Variants in NDST4 observed in about 807,000 individuals in gnomAD.
The protein encoded by NDST4 is N-heparan sulfate sulfotransferase 4.
Under a neutral mutation model 100.8 loss-of-function variants are expected in NDST4, and 63 were observed. The observed-to-expected ratio is 0.62, with a 90% CI of 0.51 to 0.77. The LOEUF (loss-of-function observed/expected upper bound fraction) is 0.77. Among genes scored for constraint, NDST4 ranks in the 30% least tolerant of loss-of-function variants. The pLI is 0.00. For synonymous variants in NDST4, 377 were observed against 361.8 expected (o/e 1.04, Z -0.48); for missense variants, 943 against 1,018.4 (o/e 0.93, Z 1.01).
In NDST4 at chr4:115,075,883, G is replaced by A. The variant is rs140711378; in HGVS notation, c.978+176C>T. Among the ~76,000 whole-genome samples the A allele has an allele frequency of 3.4e-3, 518 of 151,590 alleles. 6 individuals carry two copies. Among genetic ancestry groups the A allele is most frequent in the African/African-American group, 0.012 (506 of 41,352 alleles). On this transcript the variant is annotated intron_variant, in intron 2 of 13. Transcript: ENST00000264363. Reference sequence around the variant, plus strand: ...TCCCATTCTGAAGCTTCTGGTGTGTGTATGTGTGTGTAAAGAATGGTTAAG... The same window carrying A: ...TCCCATTCTGAAGCTTCTGGTGTGTATATGTGTGTGTAAAGAATGGTTAAG...
chr4:115,059,177 T>A (rs1728764606), intron 2 of NDST4, among the ~76,000 whole-genome samples: 1 of 152,006 alleles, frequency 6.6e-6, no homozygotes. Flanking sequence ...AACTGAATTC[T>A]GATTGTACCA....
intron 1 of NDST4, among the ~76,000 whole-genome samples, chr4:115,108,504 T>C (rs1268621497): frequency 3.9e-5 from 6 of 151,964 alleles, no homozygotes; most frequent in Non-Finnish European, 8.8e-5. Flanking sequence ...ATCCTTAAAC[T>C]ACTAGATATA....
chr4:114,851,795 T>C (rs1397996228), intron 8 of NDST4, among the ~76,000 whole-genome samples: 1 of 152,180 alleles, frequency 6.6e-6, no homozygotes, highest in African/African-American at 2.4e-5. Flanking sequence ...TGTAATACAA[T>C]TTATATTCCT....
At chr4:114,899,336 C>A (rs1254682339) in intron 6 of NDST4, among the ~76,000 whole-genome samples, 2 of 152,062 alleles carry the variant, frequency 1.3e-5, no homozygotes, top group Non-Finnish European at 2.9e-5. Flanking sequence ...TGCCACCACG[C>A]CAGGCTAATT....
At chr4:114,994,707 T>C (rs1463040974) in intron 2 of NDST4, among the ~76,000 whole-genome samples, 3 of 152,032 alleles carry the variant, frequency 2.0e-5, no homozygotes, top group Admixed American at 1.3e-4. Context: ...TGGGGTTAGA[T>C]GATGATACAA....
At position 115,052,401 on chromosome 4, in the gene NDST4, C is replaced by A. The variant is rs78113679; in HGVS notation, c.978+23658G>T. Among the ~76,000 whole-genome samples, 544 of 152,206 alleles carry A rather than the reference C, an allele frequency of 3.6e-3. 18 individuals are homozygous for A. In the East Asian group the frequency reaches 0.071, roughly 20 times the overall value. On this transcript the variant is annotated intron_variant, in intron 2 of 13. Transcript: ENST00000264363. ...TTGTCAGGATAAAGTACTCTATTCA[C>A]CTATCCATTCATGTTACAGTTTGGC...
intron 2 of NDST4, among the ~76,000 whole-genome samples, chr4:115,053,688 G>A (rs529864498): frequency 5.3e-5 from 8 of 152,150 alleles, no homozygotes; most frequent in South Asian, 2.1e-4. Flanking sequence ...AATAACTACC[G>A]TCCTAACATG....
intron 2 of NDST4, among the ~76,000 whole-genome samples, chr4:115,004,435 T>C (rs796921467): frequency 3.9e-4 from 59 of 152,324 alleles, no homozygotes; most frequent in African/African-American, 1.4e-3. Flanking sequence ...TGCAGACTGC[T>C]TTTGCAGCTG....
At chr4:114,973,103 A>T in intron 3 of NDST4, among the ~76,000 whole-genome samples, 1 of 152,062 alleles carries the variant, frequency 6.6e-6, no homozygotes, top group East Asian at 1.9e-4. Flanking sequence ...ACTAAGCCAT[A>T]CTGAGGGACA....
At chr4:115,016,373 G>A (rs564409585) in intron 2 of NDST4, among the ~76,000 whole-genome samples, 2 of 152,232 alleles carry the variant, frequency 1.3e-5, no homozygotes, top group South Asian at 4.1e-4. Context: ...CAGAAATCCA[G>A]AAGAGGAAGT....
chr4:114,947,937 T>A (rs1324867318), intron 4 of NDST4, among the ~76,000 whole-genome samples: 1 of 152,064 alleles, frequency 6.6e-6, no homozygotes, highest in Non-Finnish European at 1.5e-5. Context: ...AGAAGACAAG[T>A]GGAAGAGGGC....
chr4:115,065,995 A>G (rs1303387996), intron 2 of NDST4, among the ~76,000 whole-genome samples: 1 of 152,192 alleles, frequency 6.6e-6, no homozygotes, highest in African/African-American at 2.4e-5. Context: ...GAAGACTCAA[A>G]TACCGCATCC....
chr4:115,092,482 TA>T (rs1384963594), intron 1 of NDST4, among the ~76,000 whole-genome samples: 1 of 152,136 alleles, frequency 6.6e-6, no homozygotes, highest in African/African-American at 2.4e-5. Context: ...TCAGTTAGTC[TA>T]AATGAACGTG....
intron 6 of NDST4, among the ~76,000 whole-genome samples, chr4:114,880,885 T>C (rs936989286): frequency 6.6e-6 from 1 of 152,068 alleles, no homozygotes; most frequent in Non-Finnish European, 1.5e-5. Context: ...TTCTGAAGGA[T>C]GAGTAGAGAA....
intron 7 of NDST4, among the ~76,000 whole-genome samples, chr4:114,858,322 T>C (rs1038851330): frequency 1.3e-5 from 2 of 152,212 alleles, no homozygotes; most frequent in African/African-American, 4.8e-5. Flanking sequence ...TAGCCCTGGC[T>C]ATCACCACTA....
Position 114,937,487 on chromosome 4 carries a change from A to G in NDST4, c.1238T>C (p.Ile413Thr). 6.3e-7 allele frequency: 1 copy of G among 1,576,254 alleles called. No homozygotes were observed. The highest frequency in any genetic ancestry group is 1.2e-5 in the South Asian group (1 of 85,032). The change falls in exon 5 of 14, where the codon ATC (isoleucine) becomes ACC (threonine). Residue 413 changes from isoleucine (I) to threonine (T), a missense_variant. Coordinates refer to ENST00000264363, the MANE Select transcript of NDST4 (RefSeq NM_022569.3). ...KEFALEHGIP[I>T]NMGYAVAPHH... ...TGGGGCCACAGCATAGCCCATGTTG[A>G]TTGGTATTCCATGTTCCTAAAACAA...
intron 2 of NDST4, among the ~76,000 whole-genome samples, chr4:115,031,757 A>C (rs2126269986): frequency 6.6e-6 from 1 of 152,070 alleles, no homozygotes; most frequent in South Asian, 2.1e-4. Flanking sequence ...GCTTCCTTAG[A>C]TTTTTTTCTT....
chr4:115,026,416 AT>A (rs34104366), intron 2 of NDST4, among the ~76,000 whole-genome samples: 69,526 of 145,378 alleles, frequency 0.48, 17,408 homozygotes, highest in Non-Finnish European at 0.59. Context: ...TCATAGTCTT[AT>A]TTTTTTTTAA....
In NDST4 at chr4:115,077,102, G is replaced by A. The variant is rs1343294061; in HGVS notation, c.-66C>T. The A allele has an allele frequency of 5.0e-6, 7 of 1,399,694 alleles. No homozygotes were observed. Among genetic ancestry groups the A allele is most frequent in the African/African-American group, 4.3e-5 (3 of 69,048 alleles). The allele number at this position is 1,399,694 out of a possible 1,614,324, so 86.7% of individuals were successfully genotyped here. A position where few individuals can be genotyped will look rare whatever the true frequency, so the allele number is the denominator to read the frequency against. On this transcript the variant is annotated 5_prime_UTR_variant, in exon 2 of 14. Transcript: ENST00000264363. ...TTCCTAAAGTGCCATAGTGAATAAAGTATGAGATGTTGCAAATATCACTTC... is the reference window on the plus strand; with the variant it reads ...TTCCTAAAGTGCCATAGTGAATAAAATATGAGATGTTGCAAATATCACTTC...
Sources: gnomAD v4.1 joint callset for allele counts (sites outside exome capture counted in the v4.1 genomes callset) on GRCh38, gnomAD v4.1.1 for gene constraint, MANE v1.5 for transcripts, NCBI Gene and HGNC (gene_info 2026-07-23, HGNC 2026-07-21) for gene names.